Variants in SLC13A3 observed in about 807,000 individuals in gnomAD.
SLC13A3 encodes solute carrier family 13 member 3.
In SLC13A3, 40 loss-of-function variants were observed where a neutral mutation model predicts 59.0. The observed-to-expected ratio is 0.68, with a 90% CI of 0.53 to 0.88. The LOEUF (loss-of-function observed/expected upper bound fraction) is 0.88, where lower values mean the gene tolerates loss of function less well. Among genes scored for constraint, SLC13A3 ranks in the 40% least tolerant of loss-of-function variants. SLC13A3 has a pLI of 0.00. For synonymous variants in SLC13A3, 317 were observed against 330.3 expected, an observed-to-expected ratio of 0.96 and a Z score of 0.44; for missense variants, 699 against 783.2, an observed-to-expected ratio of 0.89 and a Z score of 1.28.
Position 46,563,273 on chromosome 20 carries a change from T to G in SLC13A3, c.1632+141A>C, listed in dbSNP as rs2061947004. ...CATCCCAGAGTCTCTGCTAAATGTATGTTCCTGGTCCCACTCAGAAAGATC... is the reference window on the plus strand; with the variant it reads ...CATCCCAGAGTCTCTGCTAAATGTAGGTTCCTGGTCCCACTCAGAAAGATC... On this transcript the variant is annotated intron_variant, in intron 12 of 12. Transcript: ENST00000279027. 13 of 965,268 alleles carry G rather than the reference T, an allele frequency of 1.3e-5. No homozygotes were observed. The East Asian group carries it at 3.6e-4, about 27-fold the overall frequency. 59.8% of individuals were successfully genotyped at this position (965,268 alleles called of 1,614,324 possible).
At position 46,558,209 on chromosome 20, in the gene SLC13A3, T is replaced by A. The variant is rs1039680077; in HGVS notation, c.*1813A>T. On this transcript the variant is annotated 3_prime_UTR_variant, in exon 13 of 13. Transcript: ENST00000279027. ...GGTGACACCTGAGCAGGGACTTGAA[T>A]AAAGTGAGTCGGGGAACCAGACATA... 6.6e-6 allele frequency: 1 copy of A among 152,130 alleles called. No individual in the cohort carries two copies. The highest frequency in any genetic ancestry group is 2.4e-5 in the African/African-American group (1 of 41,408). The allele number at this position is 152,130 out of a possible 1,614,324, so 9.4% of individuals were successfully genotyped here.
At chr20:46,637,062 G>C (rs1316275739) in intron 1 of SLC13A3, among the ~76,000 whole-genome samples, 2 of 152,108 alleles carry the variant, frequency 1.3e-5, no homozygotes, top group African/African-American at 4.8e-5. Flanking sequence ...GCCTCCCAAA[G>C]TGCTAGGATT....
chr20:46,602,365 T>C (rs1216533393), intron 3 of SLC13A3, among the ~76,000 whole-genome samples: 5 of 152,142 alleles, frequency 3.3e-5, no homozygotes, highest in Non-Finnish European at 1.5e-5. Flanking sequence ...ATAATAAAGT[T>C]ATTTCTCTGC....
intron 1 of SLC13A3, among the ~76,000 whole-genome samples, chr20:46,628,223 T>A (rs151308940): frequency 3.3e-5 from 5 of 152,128 alleles, no homozygotes; most frequent in African/African-American, 1.2e-4. Context: ...AGTTCAGAGG[T>A]TGGGAGAGGT....
At chr20:46,677,280 T>C (rs1456510088) in intron 1 of SLC13A3, among the ~76,000 whole-genome samples, 1 of 152,210 alleles carries the variant, frequency 6.6e-6, no homozygotes, top group African/African-American at 2.4e-5. Context: ...TGCAGTTTCA[T>C]GAAGTTTTAC....
chr20:46,619,236 C>T (rs1461820811), intron 1 of SLC13A3, among the ~76,000 whole-genome samples: 8 of 152,162 alleles, frequency 5.3e-5, no homozygotes, highest in Non-Finnish European at 4.4e-5. Context: ...CTGGAAGCCT[C>T]TTTTGTATTT....
intron 5 of SLC13A3, among the ~76,000 whole-genome samples, chr20:46,595,431 G>A (rs1380199355): frequency 6.6e-6 from 1 of 152,052 alleles, no homozygotes; most frequent in Non-Finnish European, 1.5e-5. Flanking sequence ...AGTCACTGCT[G>A]ACCACTTCCA....
chr20:46,604,394 G>T (rs847057), intron 3 of SLC13A3, among the ~76,000 whole-genome samples: 101,041 of 152,008 alleles, frequency 0.66, 35,034 homozygotes, highest in African/African-American at 0.87. Context: ...TCATTACTAG[G>T]GTATTCCTGG....
chr20:46,621,528 T>C (rs2091634209), intron 1 of SLC13A3, among the ~76,000 whole-genome samples: 1 of 152,218 alleles, frequency 6.6e-6, no homozygotes, highest in Non-Finnish European at 1.5e-5. Flanking sequence ...TGTATTTTTA[T>C]TTTTGTCTTT....
Position 46,563,416 on chromosome 20 carries a change from T to C in SLC13A3, c.1630A>G (p.Met544Val), listed in dbSNP as rs1042070209. 2.5e-6 allele frequency: 4 copies of C among 1,613,592 alleles called. No homozygotes were observed. The highest frequency in any genetic ancestry group is 3.4e-6 in the Non-Finnish European group (4 of 1,179,772). The change falls in exon 12 of 13, where the codon ATG (methionine) becomes GTG (valine). Residue 544 changes from methionine to valine, a missense_variant and splice_region_variant. Coordinates refer to ENST00000279027, the MANE Select transcript of SLC13A3 (RefSeq NM_022829.6). The stretch of plus-strand genomic sequence containing the variant: ...TGCTGGGAAATGCCCAGACTCACCA[T>C]GTCTTTGACCAGCAAGTGTCCAGAG... Reference protein sequence around the residue: ...FASGHLLVKDMVRTGLLMNLM... With the variant: ...FASGHLLVKDVVRTGLLMNLM...
intron 5 of SLC13A3, 93 bp from the exon 6 acceptor site, chr20:46,592,622 G>T (rs6066032): frequency 0.051 from 65,674 of 1,278,226 alleles, 1,984 homozygotes; most frequent in Admixed American, 0.075. Context: ...TAGCAGCGGG[G>T]AGGAGGAATG....
intron 1 of SLC13A3, among the ~76,000 whole-genome samples, chr20:46,625,356 T>C (rs1337310960): frequency 6.6e-6 from 1 of 152,180 alleles, no homozygotes. Context: ...AGGATTTTAA[T>C]TACATCTCAA....
At chr20:46,595,048 A>G (rs1272197323) in intron 5 of SLC13A3, among the ~76,000 whole-genome samples, 2 of 152,240 alleles carry the variant, frequency 1.3e-5, no homozygotes, top group African/African-American at 4.8e-5. Context: ...CAGGTAAAGA[A>G]GTCAGCTAGT....
At chr20:46,662,480 A>G (rs1202501950) in intron 1 of SLC13A3, among the ~76,000 whole-genome samples, 1 of 152,224 alleles carries the variant, frequency 6.6e-6, no homozygotes, top group Non-Finnish European at 1.5e-5. Flanking sequence ...AAGTCTTTCA[A>G]GATTAAACTC....
chr20:46,648,140 T>C (rs11907381), intron 1 of SLC13A3, among the ~76,000 whole-genome samples: 43,944 of 152,036 alleles, frequency 0.29, 8,197 homozygotes, highest in Non-Finnish European at 0.43. Flanking sequence ...ACCAGAATTG[T>C]CTTGAAGCTC....
At chr20:46,598,276 G>A (rs1006999564) in intron 4 of SLC13A3, among the ~76,000 whole-genome samples, 1 of 152,196 alleles carries the variant, frequency 6.6e-6, no homozygotes, top group Non-Finnish European at 1.5e-5. Flanking sequence ...ACCAGAAGCA[G>A]GTGGAAACTA....
chr20:46,599,986 A>G lies in SLC13A3; in HGVS notation c.593T>C (p.Leu198Pro). ...LHTVPTEMQFLASTEAKDHPG... is the reference protein window; with the variant it reads ...LHTVPTEMQFPASTEAKDHPG... ...AGTAACTTACGCTTCTGTGCTGGCG[A>G]GAAACTGCATCTCCGTGGGCACAGT... is the stretch of plus-strand genomic sequence containing the variant. Residue 198 changes from leucine to proline, a missense_variant, in exon 4 of 13, where the codon CTC becomes CCC. Physicochemically the swap from Leu to Pro is moderately conservative, Grantham distance 98. Coordinates refer to ENST00000279027, the MANE Select transcript of SLC13A3 (RefSeq NM_022829.6). The G allele has an allele frequency of 6.3e-7, 1 of 1,576,134 alleles. No homozygotes were observed. Among genetic ancestry groups the G allele is most frequent in the Non-Finnish European group, 8.7e-7 (1 of 1,153,426 alleles).
chr20:46,658,345 G>T (rs185122073), intron 1 of SLC13A3, among the ~76,000 whole-genome samples: 207 of 152,230 alleles, frequency 1.4e-3, no homozygotes, highest in African/African-American at 4.4e-3. Context: ...AAGCAATGGG[G>T]GTCAAAAGAC....
upstream of SLC13A3, among the ~76,000 whole-genome samples, chr20:46,655,854 A>AAT (rs989348370): frequency 1.5e-5 from 2 of 137,430 alleles, no homozygotes; most frequent in African/African-American, 2.7e-5. Context: ...TACTGTATAT[A>AAT]ATATATATAC....
Sources: allele counts gnomAD v4.1 joint callset (sites outside exome capture counted in the v4.1 genomes callset), GRCh38; gene constraint gnomAD v4.1.1; transcripts MANE v1.5; gene names NCBI Gene and HGNC (gene_info 2026-07-23, HGNC 2026-07-21).